The following KIRREL3 variants were observed in gnomAD, a reference collection of about 807,000 sequenced individuals.
KIRREL3 encodes kin of IRRE-like protein 3.
A neutral mutation model predicts 89.7 loss-of-function variants in KIRREL3; 36 were observed. The observed-to-expected ratio is 0.40, with a 90% CI of 0.31 to 0.53. The LOEUF (loss-of-function observed/expected upper bound fraction) is 0.53, where lower values mean the gene tolerates loss of function less well. KIRREL3 is among the 20% of genes least tolerant of loss of function. The pLI, the probability that KIRREL3 is intolerant of heterozygous loss-of-function variation, is 0.49. For missense variants in KIRREL3, 864 were observed against 1,056.6 expected, an observed-to-expected ratio of 0.82 and a Z score of 2.53; for synonymous variants, 445 against 441.4, an observed-to-expected ratio of 1.01 and a Z score of -0.10.
chr11:126,620,774 A>G lies in KIRREL3; in HGVS notation c.56-57862T>C, dbSNP rs1943544667. ...ATACCCCACTTTAAATTCCTTCTTT[A>G]GCTTCTAATAAATCATCCAAACCCA... On this transcript the variant is annotated intron_variant, in intron 1 of 16. Coordinates refer to ENST00000525144, the MANE Select transcript of KIRREL3 (RefSeq NM_032531.4). The surrounding 1 kb of genome is among the most constrained non-coding windows in gnomAD (Gnocchi z 4.8). 6.6e-6 allele frequency among the ~76,000 whole-genome samples: 1 copy of G among 152,134 alleles called. No homozygotes were observed. The highest frequency in any genetic ancestry group is 2.4e-5 in the African/African-American group (1 of 41,420).
rs1459548326 is a variant in KIRREL3, at chr11:126,877,406, C to A, written c.55+123049G>T. Among the ~76,000 whole-genome samples the A allele has an allele frequency of 1.3e-5, 2 of 152,304 alleles. No individual in the cohort carries two copies. The highest frequency in any genetic ancestry group is 1.9e-4 in the East Asian group (1 of 5,184). ...CAGTAACGGGGCAGAGGAAGTAGAT[C>A]ATTTGGTCTCTGAAACCCAAGCAGT... On this transcript the variant is annotated intron_variant, in intron 1 of 16. Transcript: ENST00000525144. This position sits in a 1 kb window ranked among gnomAD's most constrained non-coding sequence, Gnocchi z 4.9.
In KIRREL3 at chr11:126,645,008, G is replaced by C. The variant is rs1944611143; in HGVS notation, c.56-82096C>G. On this transcript the variant is annotated intron_variant, in intron 1 of 16. Coordinates refer to ENST00000525144, the MANE Select transcript of KIRREL3 (RefSeq NM_032531.4). The surrounding 1 kb of genome is among the most constrained non-coding windows in gnomAD (Gnocchi z 4.9). ...TGCCCTGGAAGAGGTGAGGACTTGG[G>C]ATGAACCTTGAGGGAGGGGTTGGGG... is the stretch of plus-strand genomic sequence containing the variant. 6.6e-6 allele frequency among the ~76,000 whole-genome samples: 1 copy of C among 152,190 alleles called. No homozygotes were observed. The highest frequency in any genetic ancestry group is 1.5e-5 in the Non-Finnish European group (1 of 68,036).
At position 126,492,136 on chromosome 11, in the gene KIRREL3, C is replaced by T. The variant is rs1285608889; in HGVS notation, c.434-18670G>A. 2.0e-5 allele frequency among the ~76,000 whole-genome samples: 3 copies of T among 152,294 alleles called. No individual in the cohort carries two copies. Among genetic ancestry groups the T allele is most frequent in the East Asian group, 3.9e-4 (2 of 5,184 alleles). On this transcript the variant is annotated intron_variant, in intron 4 of 16. Transcript: ENST00000525144. This position sits in a 1 kb window ranked among gnomAD's most constrained non-coding sequence, Gnocchi z 4.8. ...ATAAAATGGACAAAAGGATAAGTTGCAGAGGGCCACCGAGGAACTGGGAGG... is the reference window on the plus strand; with the variant it reads ...ATAAAATGGACAAAAGGATAAGTTGTAGAGGGCCACCGAGGAACTGGGAGG...
rs1355559996 is a variant in KIRREL3, at chr11:126,768,676, C to T, written c.56-205764G>A. Among the ~76,000 whole-genome samples, 1 of 152,030 alleles carries T rather than the reference C, an allele frequency of 6.6e-6. No homozygotes were observed. The highest frequency in any genetic ancestry group is 6.5e-5 in the Admixed American group (1 of 15,268). On this transcript the variant is annotated intron_variant, in intron 1 of 16. Transcript: ENST00000525144. The surrounding 1 kb of genome is among the most constrained non-coding windows in gnomAD (Gnocchi z 4.5). ...TAAGACCTGCACAGGAGAGCCCATC[C>T]CTCAAAATGAGAAAGAGAGTTCCAA...
chr11:127,000,833 G>A (rs916597639), upstream of KIRREL3: 4 of 459,170 alleles, frequency 8.7e-6, no homozygotes, highest in Non-Finnish European at 1.5e-5. This position sits in a 1 kb window ranked among gnomAD's most constrained non-coding sequence, Gnocchi z 7.1. Flanking sequence ...GAGCGAGCGA[G>A]CTAGTGACGA....
rs1356686597 is a variant in KIRREL3 at position 126,978,555 on chromosome 11, G to C, written c.55+21900C>G. 6.6e-6 allele frequency among the ~76,000 whole-genome samples: 1 copy of C among 152,168 alleles called. No homozygotes were observed. The highest frequency in any genetic ancestry group is 1.5e-5 in the Non-Finnish European group (1 of 68,034). On this transcript the variant is annotated intron_variant, in intron 1 of 16. Coordinates refer to ENST00000525144, the MANE Select transcript of KIRREL3 (RefSeq NM_032531.4). The surrounding 1 kb of genome is among the most constrained non-coding windows in gnomAD (Gnocchi z 4.2). ...TCCAGGTCTATGCCCAGTGCATTCA[G>C]CCACTGATGCTCCTTGGTTCTGGCC...
At position 126,682,010 on chromosome 11, in the gene KIRREL3, A is replaced by G; in HGVS notation, c.56-119098T>C. The G allele has an allele frequency of 2.6e-6, 1 of 391,658 alleles. No homozygotes were observed. Among genetic ancestry groups the G allele is most frequent in the Non-Finnish European group, 5.1e-6 (1 of 196,752 alleles). 24.3% of individuals were successfully genotyped at this position (391,658 alleles called of 1,614,324 possible). On this transcript the variant is annotated intron_variant, in intron 1 of 16. Transcript: ENST00000525144. This position sits in a 1 kb window ranked among gnomAD's most constrained non-coding sequence, Gnocchi z 4.8. ...TTGGGAATCAGGAGACCAGATGTCA[A>G]GACTGGACTACATCTTTATATTCAT... is the stretch of plus-strand genomic sequence containing the variant.
chr11:126,863,540 TGA>T (rs1224342222), intron 1 of KIRREL3, among the ~76,000 whole-genome samples: 15 of 148,248 alleles, frequency 1.0e-4, no homozygotes, highest in Non-Finnish European at 2.2e-4. Context: ...TGAGTGCGTG[TGA>T]GTGTGTGAGT....
intron 12 of KIRREL3, 50 bp from the exon 13 acceptor site, chr11:126,435,353 G>GCCTGGC: frequency 6.2e-7 from 1 of 1,603,622 alleles, no homozygotes; most frequent in Non-Finnish European, 8.5e-7. Flanking sequence ...GCTGGCCAGG[G>GCCTGGC]TGGGGTGGGA....
intron 13 of KIRREL3, among the ~76,000 whole-genome samples, chr11:126,433,289 C>T (rs1465382255): frequency 6.6e-6 from 1 of 152,204 alleles, no homozygotes; most frequent in African/African-American, 2.4e-5. Flanking sequence ...GGTATCAGTT[C>T]TGGGTTGTAA....
chr11:126,467,554 G>A (rs1347527680), intron 5 of KIRREL3, among the ~76,000 whole-genome samples: 2 of 152,258 alleles, frequency 1.3e-5, no homozygotes. Flanking sequence ...TGGAAAGGCC[G>A]AGAGTAGCCT....
intron 1 of KIRREL3, among the ~76,000 whole-genome samples, chr11:126,861,392 C>T (rs1944700161): frequency 6.6e-6 from 1 of 152,146 alleles, no homozygotes; most frequent in Non-Finnish European, 1.5e-5. Context: ...CTCAGCTACT[C>T]TCTTAGAAGT....
rs1264745694 is a variant in KIRREL3 at position 126,994,673 on chromosome 11, T to C, written c.55+5782A>G. 2.6e-5 allele frequency among the ~76,000 whole-genome samples: 4 copies of C among 152,306 alleles called. No individual in the cohort carries two copies. The highest frequency in any genetic ancestry group is 4.8e-5 in the African/African-American group (2 of 41,568). ...GGAGAAAAAGAATTAAAAAGCATAA[T>C]GGTCCTAGCTCCTTCAGTGAGTTAG... On this transcript the variant is annotated intron_variant, in intron 1 of 16. Transcript: ENST00000525144. This position sits in a 1 kb window ranked among gnomAD's most constrained non-coding sequence, Gnocchi z 5.2.
chr11:126,850,796 T>C (rs1231198172), intron 1 of KIRREL3, among the ~76,000 whole-genome samples: 4 of 152,144 alleles, frequency 2.6e-5, no homozygotes, highest in South Asian at 4.2e-4. Flanking sequence ...GCAGGGGACC[T>C]GAGGATAATA....
At position 126,489,809 on chromosome 11, in the gene KIRREL3, A is replaced by T. The variant is rs1249174724; in HGVS notation, c.434-16343T>A. Among the ~76,000 whole-genome samples the T allele has an allele frequency of 7.2e-5, 11 of 152,070 alleles. No homozygotes were observed. The highest frequency in any genetic ancestry group is 1.5e-4 in the Non-Finnish European group (10 of 68,018). ...CCCTTTCAGCTTTGATGAGCAACTCACTTGCCATGGAAAGTGTGTTGTTCA... is the reference window on the plus strand; with the variant it reads ...CCCTTTCAGCTTTGATGAGCAACTCTCTTGCCATGGAAAGTGTGTTGTTCA... On this transcript the variant is annotated intron_variant, in intron 4 of 16. Coordinates refer to ENST00000525144, the MANE Select transcript of KIRREL3 (RefSeq NM_032531.4). This position sits in a 1 kb window ranked among gnomAD's most constrained non-coding sequence, Gnocchi z 5.5.
chr11:126,868,507 G>T (rs573411686), intron 1 of KIRREL3, among the ~76,000 whole-genome samples: 59 of 152,298 alleles, frequency 3.9e-4, no homozygotes, highest in African/African-American at 1.4e-3. Flanking sequence ...GACTGTAATG[G>T]TGGGGCTGGG....
rs1948256990 is a variant in KIRREL3, at chr11:126,723,416, T to G, written c.56-160504A>C. 2.0e-5 allele frequency among the ~76,000 whole-genome samples: 3 copies of G among 152,180 alleles called. 1 individual carries two copies. In the South Asian group the frequency reaches 6.2e-4, roughly 31 times the overall value. On this transcript the variant is annotated intron_variant, in intron 1 of 16. Coordinates refer to ENST00000525144, the MANE Select transcript of KIRREL3 (RefSeq NM_032531.4). This position sits in a 1 kb window ranked among gnomAD's most constrained non-coding sequence, Gnocchi z 4.0. ...GGACAGGCTCTGTTTCATTTCACTC[T>G]ACCATAAAGAGGTAACAATTTAAAA...
At position 126,708,133 on chromosome 11, in the gene KIRREL3, G is replaced by A. The variant is rs1468943946; in HGVS notation, c.56-145221C>T. On this transcript the variant is annotated intron_variant, in intron 1 of 16. Coordinates refer to ENST00000525144, the MANE Select transcript of KIRREL3 (RefSeq NM_032531.4). This position sits in a 1 kb window ranked among gnomAD's most constrained non-coding sequence, Gnocchi z 5.7. ...ACACACCCAATCTTCCTCTTCCACT[G>A]ACTTTTCCCGTGTGAAAGGACTCCC... Among the ~76,000 whole-genome samples, 2 of 152,166 alleles carry A rather than the reference G, an allele frequency of 1.3e-5. No homozygotes were observed. The highest frequency in any genetic ancestry group is 4.8e-5 in the African/African-American group (2 of 41,422).
In KIRREL3 at chr11:126,978,575, C is replaced by T. The variant is rs1309909972; in HGVS notation, c.55+21880G>A. ...ATTCAGCCACTGATGCTCCTTGGTTCTGGCCACGCCCAGCTCCGTGTGGGT... is the reference window on the plus strand; with the variant it reads ...ATTCAGCCACTGATGCTCCTTGGTTTTGGCCACGCCCAGCTCCGTGTGGGT... On this transcript the variant is annotated intron_variant, in intron 1 of 16. Transcript: ENST00000525144. This position sits in a 1 kb window ranked among gnomAD's most constrained non-coding sequence, Gnocchi z 4.2. Among the ~76,000 whole-genome samples, 3 of 152,200 alleles carry T rather than the reference C, an allele frequency of 2.0e-5. No individual in the cohort carries two copies. The East Asian group carries it at 5.8e-4, about 29-fold the overall frequency.
Sources: allele counts gnomAD v4.1 joint callset (sites outside exome capture counted in the v4.1 genomes callset), GRCh38; gene constraint gnomAD v4.1.1; non-coding constraint Gnocchi (gnomAD v3.1); transcripts MANE v1.5; gene names NCBI Gene and HGNC (gene_info 2026-07-23, HGNC 2026-07-21).